RNLS: variants seen among roughly 807,000 people sequenced by gnomAD.
RNLS encodes renalase.
A neutral mutation model predicts 39.8 loss-of-function variants in RNLS; 39 were observed. The ratio of observed to expected loss-of-function variants is 0.98; its 90% CI spans 0.76 to 1.28. The LOEUF (loss-of-function observed/expected upper bound fraction) is 1.28, where lower values mean the gene tolerates loss of function less well. Ranked by LOEUF, RNLS falls within the 50% of genes most tolerant of loss-of-function variation. RNLS has a pLI of 0.00. For synonymous variants in RNLS, 147 were observed against 150.7 expected, an observed-to-expected ratio of 0.98 and a Z score of 0.18; for missense variants, 410 against 413.3, an observed-to-expected ratio of 0.99 and a Z score of 0.07.
intron 4 of RNLS, among the ~76,000 whole-genome samples, chr10:88,367,007 A>T (rs749906378): frequency 6.6e-6 from 1 of 151,884 alleles, no homozygotes; most frequent in Non-Finnish European, 1.5e-5. Context: ...AACTCATTAA[A>T]ACTTCATTTG....
chr10:88,472,704 T>C (rs1843614924), intron 4 of RNLS, among the ~76,000 whole-genome samples: 1 of 152,206 alleles, frequency 6.6e-6, no homozygotes, highest in Admixed American at 6.5e-5. Flanking sequence ...AAACTATTTG[T>C]CTTCATAGTG....
intron 4 of RNLS, among the ~76,000 whole-genome samples, chr10:88,481,699 C>T (rs1036109186): frequency 5.9e-5 from 9 of 151,984 alleles, no homozygotes; most frequent in African/African-American, 2.2e-4. Flanking sequence ...TTATGAAATC[C>T]TATGTATTTT....
the RNLS span, among the ~76,000 whole-genome samples, chr10:88,255,079 C>A: frequency 6.6e-6 from 1 of 152,198 alleles, no homozygotes; most frequent in African/African-American, 2.4e-5. Flanking sequence ...GTGTTTGGTA[C>A]CTCGGATGGG....
chr10:88,543,766 G>A (rs375567727), intron 4 of RNLS, among the ~76,000 whole-genome samples: 2 of 152,156 alleles, frequency 1.3e-5, no homozygotes, highest in African/African-American at 4.8e-5. Context: ...TCTTTGACCA[G>A]TGGGTTCCTA....
At chr10:88,381,242 T>TATG (rs1851469405) in intron 4 of RNLS, among the ~76,000 whole-genome samples, 1 of 152,178 alleles carries the variant, frequency 6.6e-6, no homozygotes, top group African/African-American at 2.4e-5. Context: ...ACATATTTAT[T>TATG]ATGTCTTCTT....
chr10:88,248,339 G>T, the RNLS span, among the ~76,000 whole-genome samples: 83 of 152,284 alleles, frequency 5.5e-4, no homozygotes, highest in African/African-American at 1.9e-3. Flanking sequence ...CTGACTGACT[G>T]CAAACAACAG....
chr10:88,295,204 A>G (rs1044517792), intron 6 of RNLS, among the ~76,000 whole-genome samples: 1 of 152,178 alleles, frequency 6.6e-6, no homozygotes, highest in Non-Finnish European at 1.5e-5. Flanking sequence ...ATTACAGATA[A>G]CTGATACTCC....
At chr10:88,427,468 C>G (rs1854857127) in intron 4 of RNLS, among the ~76,000 whole-genome samples, 1 of 151,978 alleles carries the variant, frequency 6.6e-6, no homozygotes, top group Non-Finnish European at 1.5e-5. Flanking sequence ...ATATTAACTG[C>G]TCTTTCTCTT....
chr10:88,359,443 C>G (rs1303336769), intron 5 of RNLS, among the ~76,000 whole-genome samples: 1 of 152,160 alleles, frequency 6.6e-6, no homozygotes, highest in Admixed American at 6.5e-5. Context: ...CCCTGGCCCC[C>G]AGATAGTGAG....
chr10:88,564,335 A>ACACACACATG (rs1849369150), intron 4 of RNLS, among the ~76,000 whole-genome samples: 1 of 151,886 alleles, frequency 6.6e-6, no homozygotes, highest in African/African-American at 2.4e-5. Context: ...ACACACACAC[A>ACACACACATG]CACACACACA....
intron 4 of RNLS, among the ~76,000 whole-genome samples, chr10:88,434,782 A>G (rs989940482): frequency 3.3e-5 from 5 of 152,160 alleles, no homozygotes; most frequent in African/African-American, 1.2e-4. Flanking sequence ...TAAGCTAACT[A>G]AAGTTATTTA....
At chr10:88,459,578 G>A (rs983147938) in intron 4 of RNLS, among the ~76,000 whole-genome samples, 2 of 152,114 alleles carry the variant, frequency 1.3e-5, no homozygotes, top group African/African-American at 4.8e-5. Flanking sequence ...AGTCAACAGA[G>A]CCCCAGGACA....
chr10:88,534,829 T>C (rs10736357), intron 4 of RNLS, among the ~76,000 whole-genome samples: 56,054 of 151,794 alleles, frequency 0.37, 11,666 homozygotes, highest in African/African-American at 0.57. Flanking sequence ...ATGTGGGAGT[T>C]GGAGGGAGAC....
the RNLS span, among the ~76,000 whole-genome samples, chr10:88,207,893 A>G: frequency 2.0e-5 from 3 of 152,118 alleles, no homozygotes; most frequent in Admixed American, 6.6e-5. Flanking sequence ...TCCCAGGGCC[A>G]CATTAGGACT....
intron 4 of RNLS, among the ~76,000 whole-genome samples, chr10:88,569,295 T>C (rs1327129191): frequency 6.9e-6 from 1 of 145,862 alleles, no homozygotes; most frequent in Non-Finnish European, 1.5e-5. Context: ...CAGGAAAGTA[T>C]TCCAATTTAA....
the RNLS span, among the ~76,000 whole-genome samples, chr10:88,204,929 C>T: frequency 1.3e-5 from 2 of 152,126 alleles, no homozygotes; most frequent in East Asian, 1.9e-4. Context: ...TGGGGGAAGT[C>T]GGAAGATGAA....
intron 5 of RNLS, among the ~76,000 whole-genome samples, chr10:88,335,000 C>A (rs987863877): frequency 6.6e-6 from 1 of 152,126 alleles, no homozygotes; most frequent in Non-Finnish European, 1.5e-5. Context: ...AAAATTTCAA[C>A]AACTTACATT....
At chr10:88,429,270 C>G (rs992258110) in intron 4 of RNLS, among the ~76,000 whole-genome samples, 1 of 151,886 alleles carries the variant, frequency 6.6e-6, no homozygotes, top group Non-Finnish European at 1.5e-5. Flanking sequence ...TAACAACATC[C>G]TCTTTACAAA....
the RNLS span, among the ~76,000 whole-genome samples, chr10:88,182,136 G>C: frequency 1.3e-5 from 2 of 152,096 alleles, no homozygotes; most frequent in Admixed American, 1.3e-4. Flanking sequence ...ATTAGAGTTG[G>C]TGAGAGGCTA....
Sources: gnomAD v4.1 joint callset for allele counts (sites outside exome capture counted in the v4.1 genomes callset) on GRCh38, gnomAD v4.1.1 for gene constraint, MANE v1.5 for transcripts, NCBI Gene and HGNC (gene_info 2026-07-23, HGNC 2026-07-21) for gene names.